The following PTPRM variants were observed in gnomAD, a reference collection of about 807,000 sequenced individuals.
PTPRM encodes the protein protein tyrosine phosphatase receptor type M.
A neutral mutation model predicts 186.7 loss-of-function variants in PTPRM; 47 were observed. That is an observed-to-expected ratio of 0.25 (90% confidence interval 0.20 to 0.32). The LOEUF is 0.32. Ranked by LOEUF, PTPRM falls within the 10% of genes least tolerant of loss-of-function variation. PTPRM has a pLI of 1.00. For synonymous variants in PTPRM, 668 were observed against 674.9 expected (o/e 0.99, Z 0.16); for missense variants, 1,494 against 1,865.0 (o/e 0.80, Z 3.66).
At chr18:8,006,923 T>C (rs78855004) in intron 7 of PTPRM, among the ~76,000 whole-genome samples, 3,247 of 152,334 alleles carry the variant, frequency 0.021, 45 homozygotes, top group African/African-American at 0.044. Context: ...AGATAACAAA[T>C]ACATATTATT....
chr18:7,689,985 G>T (rs191965338), intron 1 of PTPRM, among the ~76,000 whole-genome samples: 4 of 152,218 alleles, frequency 2.6e-5, no homozygotes, highest in Admixed American at 6.5e-5. Flanking sequence ...TGTATAAAGA[G>T]ACTACTGTAT....
chr18:7,581,656 CTT>C (rs59375148), intron 1 of PTPRM, among the ~76,000 whole-genome samples: 126 of 137,156 alleles, frequency 9.2e-4, no homozygotes, highest in African/African-American at 2.1e-3. Context: ...GTTTCATTTA[CTT>C]TTTTTTTTTT....
At chr18:8,284,005 C>T (rs2094930268) in intron 19 of PTPRM, among the ~76,000 whole-genome samples, 1 of 152,060 alleles carries the variant, frequency 6.6e-6, no homozygotes, top group African/African-American at 2.4e-5. Flanking sequence ...ATCGTTTGAG[C>T]CTGCATTTTT....
intron 1 of PTPRM, among the ~76,000 whole-genome samples, chr18:7,635,785 A>G (rs1247826531): frequency 1.3e-5 from 2 of 152,240 alleles, no homozygotes; most frequent in African/African-American, 4.8e-5. Flanking sequence ...GGGATGAACC[A>G]GAAGTCACAT....
intron 32 of PTPRM, among the ~76,000 whole-genome samples, chr18:8,395,456 G>A (rs1356164959): frequency 6.6e-6 from 1 of 152,206 alleles, no homozygotes; most frequent in African/African-American, 2.4e-5. Context: ...TGGTCCTCAT[G>A]CAGTTTAAGA....
At chr18:8,261,773 C>T (rs1484273791) in intron 19 of PTPRM, among the ~76,000 whole-genome samples, 1 of 152,188 alleles carries the variant, frequency 6.6e-6, no homozygotes, top group East Asian at 1.9e-4. Flanking sequence ...GATGATAATT[C>T]ATGGCAGTTG....
chr18:8,189,733 C>A (rs970499088), intron 14 of PTPRM, among the ~76,000 whole-genome samples: 1 of 152,202 alleles, frequency 6.6e-6, no homozygotes, highest in African/African-American at 2.4e-5. Flanking sequence ...CCAGGGAAGA[C>A]TTCCATCTGG....
intron 2 of PTPRM, among the ~76,000 whole-genome samples, chr18:7,873,078 C>G (rs2048058281): frequency 6.6e-6 from 1 of 152,092 alleles, no homozygotes; most frequent in Non-Finnish European, 1.5e-5. Context: ...ATCTCCTTAT[C>G]TTGCATTCTG....
rs189400858 is a variant in PTPRM at position 7,754,146 on chromosome 18, G to A, written c.74-20003G>A. Among the ~76,000 whole-genome samples, 69 of 152,250 alleles carry A rather than the reference G, an allele frequency of 4.5e-4. 1 individual carries two copies. The highest frequency in any genetic ancestry group is 7.8e-4 in the Non-Finnish European group (53 of 68,014). ...AGATTAGTTGACATTTTAAGTCTTA[G>A]CCCATGTTGTATGGTTGTGTTTTGG... On this transcript the variant is annotated intron_variant, in intron 1 of 32. Coordinates refer to ENST00000580170, the MANE Select transcript of PTPRM (RefSeq NM_001105244.2).
intron 14 of PTPRM, among the ~76,000 whole-genome samples, chr18:8,172,871 G>A (rs187471039): frequency 7.2e-5 from 11 of 152,228 alleles, no homozygotes; most frequent in African/African-American, 1.9e-4. Context: ...TAACTCACCT[G>A]GCACTGTAAT....
chr18:7,865,044 T>A (rs2047607467), intron 2 of PTPRM, among the ~76,000 whole-genome samples: 1 of 152,210 alleles, frequency 6.6e-6, no homozygotes, highest in African/African-American at 2.4e-5. Context: ...TGCACATTGA[T>A]TATGTATCCT....
At chr18:8,260,071 A>G (rs746935896) in intron 19 of PTPRM, among the ~76,000 whole-genome samples, 4 of 152,212 alleles carry the variant, frequency 2.6e-5, no homozygotes, top group Non-Finnish European at 5.9e-5. Flanking sequence ...CAAGCTGGGA[A>G]GGAGAGAAGC....
At chr18:8,386,287 G>A (rs956623221) in intron 30 of PTPRM, among the ~76,000 whole-genome samples, 2 of 152,146 alleles carry the variant, frequency 1.3e-5, no homozygotes, top group Non-Finnish European at 2.9e-5. Context: ...GAGCCTGAAT[G>A]AAATCAAATG....
chr18:7,947,205 TGGG>T (rs2052593088), intron 5 of PTPRM, among the ~76,000 whole-genome samples: 1 of 152,188 alleles, frequency 6.6e-6, no homozygotes, highest in South Asian at 2.1e-4. Context: ...TTCCGGCGCT[TGGG>T]CGGGGCTGCA....
intron 23 of PTPRM, among the ~76,000 whole-genome samples, chr18:8,367,765 C>T (rs999911168): frequency 4.6e-5 from 7 of 152,238 alleles, no homozygotes; most frequent in Non-Finnish European, 1.0e-4. Flanking sequence ...TCAGTGCATG[C>T]AAGGGGCATT....
At chr18:7,580,873 G>A (rs558678241) in intron 1 of PTPRM, among the ~76,000 whole-genome samples, 2 of 152,254 alleles carry the variant, frequency 1.3e-5, no homozygotes, top group East Asian at 3.9e-4. Flanking sequence ...CTAAGAAAAA[G>A]CATTTCAAAT....
At chr18:7,726,854 A>C (rs1390144463) in intron 1 of PTPRM, among the ~76,000 whole-genome samples, 2 of 152,234 alleles carry the variant, frequency 1.3e-5, no homozygotes, top group East Asian at 3.8e-4. Context: ...ATTATTTTGC[A>C]AATCAGTGAA....
At chr18:8,105,502 G>A (rs1052999417) in intron 11 of PTPRM, among the ~76,000 whole-genome samples, 1 of 152,206 alleles carries the variant, frequency 6.6e-6, no homozygotes, top group African/African-American at 2.4e-5. Context: ...ATGTATTTGA[G>A]CTTTTATACA....
At chr18:7,619,823 A>G (rs2037895052) in intron 1 of PTPRM, among the ~76,000 whole-genome samples, 2 of 152,156 alleles carry the variant, frequency 1.3e-5, no homozygotes, top group Admixed American at 6.5e-5. Context: ...GCGTGACCAT[A>G]TGACTTGCTT....
Sources: allele counts gnomAD v4.1 joint callset (sites outside exome capture counted in the v4.1 genomes callset), GRCh38; gene constraint gnomAD v4.1.1; transcripts MANE v1.5; gene names NCBI Gene and HGNC (gene_info 2026-07-23, HGNC 2026-07-21).